PAM: variants seen among roughly 807,000 people sequenced by gnomAD.
PAM encodes peptidylglycine alpha-amidating monooxygenase.
A neutral mutation model predicts 122.1 loss-of-function variants in PAM; 72 were observed. That is an observed-to-expected ratio of 0.59 (90% CI 0.49 to 0.72). The LOEUF (loss-of-function observed/expected upper bound fraction) is 0.72. PAM is among the 30% of genes least tolerant of loss of function. The pLI, the probability that PAM is intolerant of heterozygous loss-of-function variation, is 0.00. For missense variants in PAM, 1,106 were observed against 1,183.7 expected, an observed-to-expected ratio of 0.93 and a Z score of 0.96; for synonymous variants, 389 against 404.4, an observed-to-expected ratio of 0.96 and a Z score of 0.46.
chr5:102,838,418 C>T (rs1777670602), intron 1 of PAM: 1 of 151,954 alleles, frequency 6.6e-6, no homozygotes, highest in African/African-American at 2.4e-5. Context: ...AATTATTATA[C>T]AGTAAAAGAT....
At position 102,866,177 on chromosome 5, in the gene PAM, G is replaced by T. The variant is rs1300754059; in HGVS notation, c.-19G>T. ...TGCGCTGCCCGGTCCTCTCCCGGCGGGGTCGTATCGGCGTGGACATGGCTG... is the reference window on the plus strand; with the variant it reads ...TGCGCTGCCCGGTCCTCTCCCGGCGTGGTCGTATCGGCGTGGACATGGCTG... On this transcript the variant is annotated 5_prime_UTR_variant, in exon 2 of 26. Coordinates refer to ENST00000438793, the MANE Select transcript of PAM (RefSeq NM_001177306.2). 2 of 1,581,558 alleles carry T rather than the reference G, an allele frequency of 1.3e-6. No individual in the cohort carries two copies. The highest frequency in any genetic ancestry group is 1.7e-6 in the Non-Finnish European group (2 of 1,152,460).
intron 1 of PAM, among the ~76,000 whole-genome samples, chr5:102,777,077 A>G (rs1373305158): frequency 1.3e-5 from 2 of 152,098 alleles, no homozygotes; most frequent in African/African-American, 4.8e-5. Flanking sequence ...TTTGTATTGT[A>G]GGGCAGTTTT....
intron 1 of PAM, among the ~76,000 whole-genome samples, chr5:102,822,175 T>C (rs903514093): frequency 1.4e-4 from 22 of 152,208 alleles, no homozygotes; most frequent in African/African-American, 4.8e-4. Flanking sequence ...CTGAGCACTT[T>C]CATTTTGCAT....
At chr5:102,835,096 A>G (rs1170223396) in intron 1 of PAM, among the ~76,000 whole-genome samples, 2 of 152,102 alleles carry the variant, frequency 1.3e-5, no homozygotes, top group African/African-American at 4.8e-5. Context: ...TTTAGTCATT[A>G]CTGGTAATAA....
At chr5:102,942,087 A>G (rs1755451616) in intron 7 of PAM, among the ~76,000 whole-genome samples, 1 of 152,030 alleles carries the variant, frequency 6.6e-6, no homozygotes, top group South Asian at 2.1e-4. Context: ...AAAAAACAAC[A>G]TGGCCCAACT....
At chr5:102,852,285 A>G (rs1172424733) in intron 1 of PAM, among the ~76,000 whole-genome samples, 3 of 152,176 alleles carry the variant, frequency 2.0e-5, no homozygotes, top group Non-Finnish European at 2.9e-5. Flanking sequence ...TATTTTGTCA[A>G]TGGAATTTTA....
At chr5:102,830,980 A>G (rs976608054) in intron 1 of PAM, among the ~76,000 whole-genome samples, 4 of 152,206 alleles carry the variant, frequency 2.6e-5, no homozygotes, top group African/African-American at 9.6e-5. Flanking sequence ...ATAGGTCAGA[A>G]TATGAAGTTT....
chr5:102,848,098 C>T (rs191829457), intron 1 of PAM, among the ~76,000 whole-genome samples: 1 of 152,056 alleles, frequency 6.6e-6, no homozygotes, highest in Non-Finnish European at 1.5e-5. Flanking sequence ...GAAAAGAATT[C>T]TGTAAAATTT....
chr5:102,843,233 G>A (rs1052352961), intron 1 of PAM, among the ~76,000 whole-genome samples: 1 of 152,182 alleles, frequency 6.6e-6, no homozygotes, highest in African/African-American at 2.4e-5. Flanking sequence ...TGTATATTTA[G>A]TGTAATGAAT....
At chr5:102,815,538 A>C (rs543533945) in intron 1 of PAM, among the ~76,000 whole-genome samples, 2 of 152,282 alleles carry the variant, frequency 1.3e-5, no homozygotes, top group African/African-American at 4.8e-5. Flanking sequence ...ATATCACTGT[A>C]GCTATTCCAG....
chr5:102,869,728 T>C (rs1033839635), intron 3 of PAM, among the ~76,000 whole-genome samples: 2 of 152,164 alleles, frequency 1.3e-5, no homozygotes, highest in African/African-American at 4.8e-5. Flanking sequence ...CTTCTGAATT[T>C]GGTGTTCTAG....
intron 12 of PAM, among the ~76,000 whole-genome samples, chr5:102,956,949 CAA>C (rs796794884): frequency 1.4e-4 from 22 of 151,938 alleles, no homozygotes; most frequent in African/African-American, 5.1e-4. Flanking sequence ...TATATATTAA[CAA>C]GATATTTTAT....
At chr5:102,798,955 A>C (rs1764027659) in intron 1 of PAM, among the ~76,000 whole-genome samples, 1 of 152,228 alleles carries the variant, frequency 6.6e-6, no homozygotes, top group South Asian at 2.1e-4. Flanking sequence ...GAAATTACTA[A>C]AAATTCCTGT....
intron 1 of PAM, among the ~76,000 whole-genome samples, chr5:102,827,345 T>C (rs1344289907): frequency 6.6e-6 from 1 of 152,148 alleles, no homozygotes. Context: ...CCTGAAACCC[T>C]TCTGGTCCCA....
intron 3 of PAM, among the ~76,000 whole-genome samples, chr5:102,894,354 T>G (rs1016617751): frequency 6.6e-6 from 1 of 151,728 alleles, no homozygotes; most frequent in Admixed American, 6.6e-5. Context: ...AGCTTACTTA[T>G]GGATTTTGAT....
At chr5:102,782,850 G>T (rs2149890140) in intron 1 of PAM, among the ~76,000 whole-genome samples, 1 of 150,702 alleles carries the variant, frequency 6.6e-6, no homozygotes, top group Admixed American at 6.6e-5. Flanking sequence ...TTGCTTTTGT[G>T]AAAAATCTGC....
At chr5:102,971,988 C>T (rs958367805) in intron 14 of PAM, among the ~76,000 whole-genome samples, 1 of 152,120 alleles carries the variant, frequency 6.6e-6, no homozygotes, top group African/African-American at 2.4e-5. Context: ...TGCAGCCAAG[C>T]CTGTTGCATT....
intron 1 of PAM, among the ~76,000 whole-genome samples, chr5:102,813,816 G>A (rs1768717061): frequency 6.6e-6 from 1 of 152,136 alleles, no homozygotes; most frequent in African/African-American, 2.4e-5. Flanking sequence ...AAAATCTTGT[G>A]ACCTGGGGCA....
At chr5:102,973,600 AT>A (rs1339507603) in intron 14 of PAM, among the ~76,000 whole-genome samples, 1 of 152,198 alleles carries the variant, frequency 6.6e-6, no homozygotes, top group Non-Finnish European at 1.5e-5. Context: ...TAATAATAAA[AT>A]TTAGGTTTCC....
Sources: allele counts gnomAD v4.1 joint callset (sites outside exome capture counted in the v4.1 genomes callset), GRCh38; gene constraint gnomAD v4.1.1; transcripts MANE v1.5; gene names NCBI Gene and HGNC (gene_info 2026-07-23, HGNC 2026-07-21).